Variants in ZNF385B observed in about 807,000 individuals in gnomAD.
ZNF385B encodes the protein zinc finger protein 385B.
A neutral mutation model predicts 39.2 loss-of-function variants in ZNF385B; 23 were observed. The ratio of observed to expected loss-of-function variants is 0.59; its 90% CI spans 0.42 to 0.83. The LOEUF is 0.83. ZNF385B is among the 40% of genes least tolerant of loss of function. ZNF385B has a pLI of 0.00. For synonymous variants in ZNF385B, 205 were observed against 222.6 expected (o/e 0.92, Z 0.70); for missense variants, 552 against 598.9 (o/e 0.92, Z 0.82).
At chr2:179,509,960 G>A (rs1399823170) in intron 5 of ZNF385B, among the ~76,000 whole-genome samples, 1 of 152,150 alleles carries the variant, frequency 6.6e-6, no homozygotes, top group Non-Finnish European at 1.5e-5. Context: ...TTTTCTGTGA[G>A]GGTCAACTTC....
chr2:179,774,872 G>T (rs1041558736), intron 1 of ZNF385B, among the ~76,000 whole-genome samples: 2 of 152,192 alleles, frequency 1.3e-5, no homozygotes, highest in African/African-American at 4.8e-5. Context: ...TGGGTATATT[G>T]TGTCAGCATC....
chr2:179,673,100 T>A (rs372758321), intron 3 of ZNF385B, among the ~76,000 whole-genome samples: 6 of 152,204 alleles, frequency 3.9e-5, no homozygotes, highest in African/African-American at 1.4e-4. Flanking sequence ...TGAGAATTTA[T>A]AACCATAGTC....
chr2:179,723,389 G>A (rs1033065392), intron 3 of ZNF385B, among the ~76,000 whole-genome samples: 13 of 151,994 alleles, frequency 8.6e-5, no homozygotes, highest in African/African-American at 2.7e-4. Flanking sequence ...AATTAAGAAA[G>A]GTAATAACCA....
At chr2:179,467,898 A>C (rs555486451) in intron 6 of ZNF385B, among the ~76,000 whole-genome samples, 2 of 152,298 alleles carry the variant, frequency 1.3e-5, no homozygotes, top group Admixed American at 1.3e-4. Context: ...GTCTAAAACC[A>C]GCCCTGCATC....
intron 3 of ZNF385B, among the ~76,000 whole-genome samples, chr2:179,600,820 A>T (rs7584878): frequency 1.3e-5 from 2 of 152,132 alleles, no homozygotes; most frequent in African/African-American, 2.4e-5. Context: ...CCTCCATTAC[A>T]GAGTGCCTAA....
intron 3 of ZNF385B, among the ~76,000 whole-genome samples, chr2:179,710,530 G>C (rs560347270): frequency 6.6e-6 from 1 of 152,116 alleles, no homozygotes; most frequent in Non-Finnish European, 1.5e-5. Context: ...TCCCATTACG[G>C]AACATTTTAA....
chr2:179,595,476 G>T (rs1382725140), intron 3 of ZNF385B, among the ~76,000 whole-genome samples: 9 of 152,120 alleles, frequency 5.9e-5, no homozygotes, highest in Non-Finnish European at 1.2e-4. Flanking sequence ...CTGTAATGCT[G>T]TGGGCTGTGG....
rs34449760 is a variant in ZNF385B, at chr2:179,714,942, C to CAAAAAAAAAAAAAAAAAAAA, written c.298+54560_298+54561insTTTTTTTTTTTTTTTTTTTT. On this transcript the variant is annotated intron_variant, in intron 3 of 9. Transcript: ENST00000410066. Reference sequence around the variant, plus strand: ...TGGGTAACAAAGCGAGATTCTATCTCAAAAAAAAAAAAAAAAAAACAGTTT... The same window carrying CAAAAAAAAAAAAAAAAAAAA: ...TGGGTAACAAAGCGAGATTCTATCTCAAAAAAAAAAAAAAAAAAAAAAAAAAAAAAAAAAAAAAACAGTTT... Among the ~76,000 whole-genome samples the CAAAAAAAAAAAAAAAAAAAA allele has an allele frequency of 2.8e-3, 223 of 79,236 alleles. 15 individuals carry two copies. Among genetic ancestry groups the CAAAAAAAAAAAAAAAAAAAA allele is most frequent in the East Asian group, 8.8e-3 (11 of 1,252 alleles). 52.0% of individuals were successfully genotyped at this position (79,236 alleles called of 152,430 possible). A position where few individuals can be genotyped will look rare whatever the true frequency, so the allele number is the denominator to read the frequency against.
intron 1 of ZNF385B, among the ~76,000 whole-genome samples, chr2:179,819,299 G>T (rs1028871326): frequency 2.6e-5 from 4 of 152,052 alleles, no homozygotes; most frequent in Non-Finnish European, 5.9e-5. Context: ...AAACCCCAAG[G>T]ACAGGTGGGT....
intron 3 of ZNF385B, among the ~76,000 whole-genome samples, chr2:179,645,549 C>T (rs559106823): frequency 4.6e-5 from 7 of 152,132 alleles, no homozygotes; most frequent in Non-Finnish European, 1.0e-4. Flanking sequence ...TGAGGTGGCC[C>T]CTGGGAACCA....
At chr2:179,582,597 T>C (rs1686656034) in intron 3 of ZNF385B, among the ~76,000 whole-genome samples, 1 of 152,256 alleles carries the variant, frequency 6.6e-6, no homozygotes, top group African/African-American at 2.4e-5. Context: ...TTAGACAAAG[T>C]CCCTACACAC....
intron 3 of ZNF385B, among the ~76,000 whole-genome samples, chr2:179,723,459 T>C (rs1412373028): frequency 6.6e-6 from 1 of 152,124 alleles, no homozygotes; most frequent in Non-Finnish European, 1.5e-5. Context: ...ACAAAATATA[T>C]TAGGTTGATG....
At chr2:179,836,927 G>GCC (rs1708286825) in intron 1 of ZNF385B, among the ~76,000 whole-genome samples, 1 of 152,082 alleles carries the variant, frequency 6.6e-6, no homozygotes, top group South Asian at 2.1e-4. Context: ...TGCTTCACTT[G>GCC]CCCCCAGCAC....
rs1427045117 is a variant in ZNF385B at position 179,718,602 on chromosome 2, G to A, written c.298+50901C>T. Among the ~76,000 whole-genome samples, 8 of 149,904 alleles carry A rather than the reference G, an allele frequency of 5.3e-5. No individual in the cohort carries two copies. In the South Asian group the frequency reaches 1.3e-3, roughly 24 times the overall value. ...TCTGTACTTTGAGCTATACTTAAAT[G>A]TACTACTTTTACAGTTCAGTACACA... is the stretch of plus-strand genomic sequence containing the variant. On this transcript the variant is annotated intron_variant, in intron 3 of 9. Transcript: ENST00000410066.
intron 3 of ZNF385B, among the ~76,000 whole-genome samples, chr2:179,571,972 G>C (rs1402373943): frequency 2.6e-5 from 4 of 152,002 alleles, no homozygotes; most frequent in Admixed American, 2.0e-4. Flanking sequence ...GTCCTGTGTA[G>C]GTCTCTTTTC....
intron 6 of ZNF385B, among the ~76,000 whole-genome samples, chr2:179,467,693 A>G (rs2052228017): frequency 6.6e-6 from 1 of 152,076 alleles, no homozygotes; most frequent in Non-Finnish European, 1.5e-5. Flanking sequence ...CTAAATCCTA[A>G]TTAGCTACAT....
intron 3 of ZNF385B, among the ~76,000 whole-genome samples, chr2:179,593,040 A>T (rs1157262491): frequency 6.6e-6 from 1 of 152,188 alleles, no homozygotes; most frequent in African/African-American, 2.4e-5. Flanking sequence ...AAGACAAAGG[A>T]AATAACTTCC....
At chr2:179,776,027 C>T (rs1469380199) in intron 1 of ZNF385B, among the ~76,000 whole-genome samples, 1 of 152,158 alleles carries the variant, frequency 6.6e-6, no homozygotes, top group Non-Finnish European at 1.5e-5. Context: ...AGAACATGAC[C>T]ACATCTTACC....
At chr2:179,833,117 G>A (rs1005266531) in intron 1 of ZNF385B, among the ~76,000 whole-genome samples, 3 of 152,072 alleles carry the variant, frequency 2.0e-5, no homozygotes, top group Non-Finnish European at 4.4e-5. Context: ...ATGTATAAAT[G>A]TATGTATGTA....
Sources: allele counts gnomAD v4.1 joint callset (sites outside exome capture counted in the v4.1 genomes callset), GRCh38; gene constraint gnomAD v4.1.1; transcripts MANE v1.5; gene names NCBI Gene and HGNC (gene_info 2026-07-23, HGNC 2026-07-21).